Variants in ZNF544 observed in about 807,000 individuals in gnomAD.
ZNF544 encodes zinc finger protein AF020591.
ZNF544 carries 10 observed loss-of-function variants against 13.5 expected under a neutral mutation model. The ratio of observed to expected loss-of-function variants is 0.74; its 90% CI spans 0.46 to 1.25. The LOEUF (loss-of-function observed/expected upper bound fraction) is 1.25. Among genes scored for constraint, ZNF544 ranks in the 50% most tolerant of loss-of-function variants. The probability of loss-of-function intolerance (pLI) is 0.00; values close to 1 mark genes in which losing one functional copy is unlikely to be tolerated. For missense variants in ZNF544, 896 were observed against 845.6 expected (o/e 1.06, Z -0.74); for synonymous variants, 323 against 300.5 (o/e 1.07, Z -0.77).
At chr19:58,237,654 A>G (rs2042715879) in intron 3 of ZNF544, among the ~76,000 whole-genome samples, 2 of 152,108 alleles carry the variant, frequency 1.3e-5, no homozygotes, top group South Asian at 2.1e-4. Context: ...ATCCATGGAG[A>G]CTTCCAAGCT....
At chr19:58,268,038 G>A (rs151143877), downstream of ZNF544, among the ~76,000 whole-genome samples, 10 of 152,176 alleles carry the variant, frequency 6.6e-5, no homozygotes, top group Admixed American at 1.3e-4. Flanking sequence ...AGTGGCTCAC[G>A]CCTATAATCC....
chr19:58,252,446 A>G (rs1222928335), intron 6 of ZNF544, among the ~76,000 whole-genome samples: 1 of 152,150 alleles, frequency 6.6e-6, no homozygotes, highest in Admixed American at 6.6e-5. Flanking sequence ...TTATTGCTAC[A>G]TCCTTCCCTA....
At chr19:58,273,809 T>TC (rs1197367696) in intron 5 of ZNF544, among the ~76,000 whole-genome samples, 7 of 151,546 alleles carry the variant, frequency 4.6e-5, no homozygotes, top group African/African-American at 1.5e-4. Flanking sequence ...TGTTTTGTTT[T>TC]CCCCCAAGAC....
rs1319687186 is a variant in ZNF544, at chr19:58,258,458, G to A, written c.245-2393G>A. On this transcript the variant is annotated intron_variant, in intron 6 of 6. Transcript: ENST00000687789. The stretch of plus-strand genomic sequence containing the variant: ...CACCAGGTGTGAGGGTGCTGGGTGC[G>A]AGGGCACCAGGTGTGAGGGTGCTGG... The A allele has an allele frequency of 2.1e-5, 3 of 141,970 alleles. No homozygotes were observed. In the South Asian group the frequency reaches 5.6e-4, roughly 26 times the overall value. 8.8% of individuals were successfully genotyped at this position (141,970 alleles called of 1,614,324 possible).
chr19:58,243,812 G>A (rs2044452762), intron 3 of ZNF544, 153 bp from the exon 4 acceptor site: 1 of 511,828 alleles, frequency 2.0e-6, no homozygotes, highest in Non-Finnish European at 3.3e-6. Context: ...GCACATCCCC[G>A]AGCCTGAGGT....
intron 4 of ZNF544, among the ~76,000 whole-genome samples, chr19:58,244,964 T>C (rs1198126906): frequency 6.6e-6 from 1 of 151,864 alleles, no homozygotes; most frequent in East Asian, 1.9e-4. Context: ...ATTTTTTTTT[T>C]TTGAAACGGA....
At position 58,246,155 on chromosome 19, in the gene ZNF544, C is replaced by T. The variant is rs1318761452; in HGVS notation, c.34-146C>T. ...GAGGACATTAATTGCCTTGTAAAGA[C>T]CCCACCTCTTAACACTATCTCACTG... is the stretch of plus-strand genomic sequence containing the variant. On this transcript the variant is annotated intron_variant, in intron 4 of 6. Transcript: ENST00000687789. 3 of 1,086,124 alleles carry T rather than the reference C, an allele frequency of 2.8e-6. No individual in the cohort carries two copies. The East Asian group carries it at 7.5e-5, about 27-fold the overall frequency. 67.3% of individuals were successfully genotyped at this position (1,086,124 alleles called of 1,614,324 possible).
intron 6 of ZNF544, 43 bp from the exon 7 acceptor site, chr19:58,260,808 C>G (rs2147665658): frequency 6.6e-7 from 1 of 1,510,316 alleles, no homozygotes; most frequent in Non-Finnish European, 8.8e-7. Context: ...CCCTCCCCCT[C>G]TGATGCTTCT....
chr19:58,262,404 G>C lies in ZNF544; in HGVS notation c.1798G>C (p.Gly600Arg). ...AGTTGCACATAAAAGAACTCACACT[G>C]GAGAAAAGCCCTATGAATGTAACGA... is the stretch of plus-strand genomic sequence containing the variant. ...QLVAHKRTHTGEKPYECNECG... is the reference protein window; with the variant it reads ...QLVAHKRTHTREKPYECNECG... Residue 600 changes from glycine to arginine, a missense_variant, in exon 7 of 7, where the codon GGA becomes CGA. Transcript: ENST00000687789. 1 of 1,614,218 alleles carries C rather than the reference G, an allele frequency of 6.2e-7. No individual in the cohort carries two copies. Among genetic ancestry groups the C allele is most frequent in the Non-Finnish European group, 8.5e-7 (1 of 1,180,030 alleles).
chr19:58,241,429 T>C (rs924023496), intron 3 of ZNF544, among the ~76,000 whole-genome samples: 1 of 151,576 alleles, frequency 6.6e-6, no homozygotes, highest in Non-Finnish European at 1.5e-5. Context: ...AAACCTTTTT[T>C]GGTAGGGTGT....
At chr19:58,276,287 G>C (rs1477046150) in intron 5 of ZNF544, 2 of 1,151,708 alleles carry the variant, frequency 1.7e-6, no homozygotes, top group Non-Finnish European at 2.2e-6. Context: ...TGCAGGGGAA[G>C]GCAATAGATC....
At chr19:58,272,984 C>T (rs927310611) in intron 5 of ZNF544, among the ~76,000 whole-genome samples, 2 of 151,662 alleles carry the variant, frequency 1.3e-5, no homozygotes, top group African/African-American at 2.4e-5. Context: ...GAAATCGAGA[C>T]CATCCTGGCT....
chr19:58,274,912 G>A lies in ZNF544; in HGVS notation c.245-1411G>A, dbSNP rs182184570. Reference sequence around the variant, plus strand: ...TCCAGGAGAATGGAAAAACCCAAACGACAACTAAAACAAGCAGTAGGCAAA... The same window carrying A: ...TCCAGGAGAATGGAAAAACCCAAACAACAACTAAAACAAGCAGTAGGCAAA... On this transcript the variant is annotated intron_variant, in intron 5 of 6. Coordinates refer to the ZNF544 transcript ENST00000595981. Among the ~76,000 whole-genome samples the A allele has an allele frequency of 3.4e-4, 51 of 152,044 alleles. No homozygotes were observed. In the East Asian group the frequency reaches 8.5e-3, roughly 25 times the overall value.
intron 3 of ZNF544, 22 bp from the exon 4 acceptor site, chr19:58,243,943 C>T: frequency 2.6e-6 from 4 of 1,530,072 alleles, no homozygotes; most frequent in East Asian, 2.5e-5. Context: ...GGGGCTGAAT[C>T]TCTGCTTGTT....
exon 7 of ZNF544, chr19:58,277,331 T>C: frequency 9.0e-7 from 1 of 1,114,774 alleles, no homozygotes; most frequent in Non-Finnish European, 1.1e-6. Flanking sequence ...CCGTCCCCAC[T>C]GGTAACGTCT....
rs776290535 is a variant in ZNF544 at position 58,261,577 on chromosome 19, C to T, written c.971C>T (p.Thr324Ile). Reference sequence around the variant, plus strand: ...ACAGAAAGAAGTGGCCCTGGAGAGACCCCCTTCAGATGTGAGGAACGCTGT... The same window carrying T: ...ACAGAAAGAAGTGGCCCTGGAGAGATCCCCTTCAGATGTGAGGAACGCTGT... ...VQTERSGPGE[T>I]PFRCEERCAA... The change falls in exon 7 of 7, where the codon ACC becomes ATC. Residue 324 changes from threonine (T) to isoleucine (I), a missense_variant. Transcript: ENST00000687789. 67 of 1,614,034 alleles carry T rather than the reference C, an allele frequency of 4.2e-5. No individual in the cohort carries two copies. The highest frequency in any genetic ancestry group is 5.5e-5 in the Non-Finnish European group (65 of 1,180,030).
At position 58,261,688 on chromosome 19, in the gene ZNF544, A is replaced by T. The variant is rs764930124; in HGVS notation, c.1082A>T (p.Lys361Ile). 1 of 1,614,212 alleles carries T rather than the reference A, an allele frequency of 6.2e-7. No homozygotes were observed. The highest frequency in any genetic ancestry group is 2.2e-5 in the East Asian group (1 of 44,888). Residue 361 changes from lysine to isoleucine, a missense_variant, in exon 7 of 7, where the codon AAA becomes ATA. Transcript: ENST00000687789. ...CCATCTGTGTGTAATCAGTGTGGAA[A>T]ATCTTTCAGCTGTTGTAAGCTCATA... Reference protein sequence around the residue: ...EKPSVCNQCGKSFSCCKLIHQ... With the variant: ...EKPSVCNQCGISFSCCKLIHQ...
At position 58,261,426 on chromosome 19, in the gene ZNF544, G is replaced by A. The variant is rs2048924515; in HGVS notation, c.820G>A (p.Asp274Asn). The change falls in exon 7 of 7, where the codon GAT (aspartate) becomes AAT (asparagine). Residue 274 changes from aspartate to asparagine, a missense_variant. Transcript: ENST00000687789. The part of the protein sequence containing the change: ...FSVKKSDDCK[D>N]YGNLFSHSVS... ...AGTGAAGAAAAGTGATGACTGTAAG[G>A]ATTATGGAAACCTCTTCAGTCACAG... 6.2e-7 allele frequency: 1 copy of A among 1,614,190 alleles called. No individual in the cohort carries two copies. The highest frequency in any genetic ancestry group is 8.5e-7 in the Non-Finnish European group (1 of 1,180,052).
At chr19:58,255,977 T>C (rs2047237122) in intron 6 of ZNF544, among the ~76,000 whole-genome samples, 1 of 152,220 alleles carries the variant, frequency 6.6e-6, no homozygotes, top group African/African-American at 2.4e-5. Flanking sequence ...GGAAAAGGAC[T>C]AAGGTCCTTC....
Sources: gnomAD v4.1 joint callset for allele counts (sites outside exome capture counted in the v4.1 genomes callset) on GRCh38, gnomAD v4.1.1 for gene constraint, MANE v1.5 for transcripts, NCBI Gene and HGNC (gene_info 2026-07-23, HGNC 2026-07-21) for gene names.